Variants in WWOX observed in about 807,000 individuals in gnomAD.
WWOX encodes WW domain-containing oxidoreductase.
Under a neutral mutation model 46.2 loss-of-function variants are expected in WWOX, and 69 were observed. The ratio of observed to expected loss-of-function variants is 1.49; its 90% confidence interval spans 1.23 to 1.82. WWOX has a LOEUF of 1.82. Among genes scored for constraint, WWOX ranks in the 40% most tolerant of loss-of-function variants. WWOX has a pLI of 0.00. For synonymous variants in WWOX, 359 were observed against 202.6 expected (o/e 1.77, Z -6.56); for missense variants, 919 against 542.6 (o/e 1.69, Z -6.89).
intron 8 of WWOX, among the ~76,000 whole-genome samples, chr16:79,132,157 CACACACA>C (rs2049892579): frequency 1.3e-5 from 2 of 151,326 alleles, no homozygotes; most frequent in African/African-American, 2.4e-5. Flanking sequence ...CACACACACA[CACACACA>C]CACCCCTTCC....
chr16:78,739,804 C>T (rs569213346), intron 8 of WWOX, among the ~76,000 whole-genome samples: 1 of 152,180 alleles, frequency 6.6e-6, no homozygotes, highest in Non-Finnish European at 1.5e-5. Context: ...GGGAGAGATT[C>T]CATCTCAAAA....
chr16:78,995,821 G>C (rs1315252208), intron 8 of WWOX, among the ~76,000 whole-genome samples: 2 of 152,286 alleles, frequency 1.3e-5, no homozygotes, highest in Admixed American at 1.3e-4. Flanking sequence ...GTGTAAAGGA[G>C]ACCCGAGGTG....
chr16:79,102,601 G>C (rs901136306), intron 8 of WWOX, among the ~76,000 whole-genome samples: 1 of 152,132 alleles, frequency 6.6e-6, no homozygotes, highest in African/African-American at 2.4e-5. Context: ...GAGTTGCTAA[G>C]AGTTTGAAAA....
intron 5 of WWOX, among the ~76,000 whole-genome samples, chr16:78,361,140 G>C (rs1475441647): frequency 6.6e-6 from 1 of 151,952 alleles, no homozygotes; most frequent in Non-Finnish European, 1.5e-5. Flanking sequence ...TTCAGTCTTT[G>C]ATAGTTGCTT....
chr16:78,543,313 A>T (rs2043944104), intron 8 of WWOX, among the ~76,000 whole-genome samples: 1 of 152,078 alleles, frequency 6.6e-6, no homozygotes, highest in Non-Finnish European at 1.5e-5. Flanking sequence ...GGCCCTGAAG[A>T]GGGTGGGAAT....
At chr16:78,477,792 T>C (rs931695794) in intron 8 of WWOX, among the ~76,000 whole-genome samples, 3 of 152,158 alleles carry the variant, frequency 2.0e-5, no homozygotes, top group African/African-American at 7.2e-5. Context: ...GAATTATGAA[T>C]TCAAGTCAAA....
chr16:79,156,279 A>T, intron 8 of WWOX, among the ~76,000 whole-genome samples: 1 of 152,176 alleles, frequency 6.6e-6, no homozygotes, highest in East Asian at 1.9e-4. Context: ...CTCCCACGTC[A>T]ACCTCCAGAA....
intron 8 of WWOX, among the ~76,000 whole-genome samples, chr16:78,619,180 T>A (rs865871302): frequency 0.017 from 240 of 13,720 alleles, 76 homozygotes; most frequent in Middle Eastern, 0.083. Flanking sequence ...TATATATATA[T>A]ATATATATAT....
In WWOX at chr16:78,872,400, G is replaced by T. The variant is rs141741429; in HGVS notation, c.1057-339208G>T. Among the ~76,000 whole-genome samples the T allele has an allele frequency of 2.6e-3, 399 of 152,272 alleles. 1 individual carries two copies. The highest frequency in any genetic ancestry group is 3.7e-3 in the Non-Finnish European group (251 of 68,030). The stretch of plus-strand genomic sequence containing the variant: ...TACTAACGTCATTATTATGAAAATA[G>T]CCATCTTTTTTTAAAGAAGGGAGTT... On this transcript the variant is annotated intron_variant, in intron 8 of 8. Coordinates refer to ENST00000566780, the MANE Select transcript of WWOX (RefSeq NM_016373.4).
At chr16:79,044,810 C>G (rs2048035816) in intron 8 of WWOX, among the ~76,000 whole-genome samples, 1 of 152,122 alleles carries the variant, frequency 6.6e-6, no homozygotes, top group Non-Finnish European at 1.5e-5. Flanking sequence ...TAAAGTCCAA[C>G]CTCAAGGCCC....
chr16:78,429,984 A>T (rs952161413), intron 7 of WWOX, among the ~76,000 whole-genome samples: 1 of 152,170 alleles, frequency 6.6e-6, no homozygotes, highest in Non-Finnish European at 1.5e-5. Context: ...ACCTTGAGTG[A>T]AGCCTGACTA....
intron 8 of WWOX, among the ~76,000 whole-genome samples, chr16:79,065,842 G>A (rs2150556273): frequency 6.9e-6 from 1 of 145,462 alleles, no homozygotes; most frequent in African/African-American, 2.8e-5. Context: ...AAGCAAGATG[G>A]AGTCAGCTAT....
At chr16:79,059,856 G>A (rs1487945524) in intron 8 of WWOX, among the ~76,000 whole-genome samples, 4 of 152,076 alleles carry the variant, frequency 2.6e-5, no homozygotes, top group South Asian at 2.1e-4. Flanking sequence ...GGACTGGTTC[G>A]CACACACAAA....
chr16:78,712,077 T>C (rs2142326619), intron 8 of WWOX, among the ~76,000 whole-genome samples: 1 of 152,322 alleles, frequency 6.6e-6, no homozygotes, highest in African/African-American at 2.4e-5. Context: ...ATTATAGATG[T>C]CTTATATCCA....
At chr16:78,797,408 C>T (rs1460129865) in intron 8 of WWOX, among the ~76,000 whole-genome samples, 2 of 148,214 alleles carry the variant, frequency 1.3e-5, no homozygotes, top group African/African-American at 2.5e-5. Context: ...AAGGCAGCCC[C>T]GACAGGTACG....
intron 8 of WWOX, among the ~76,000 whole-genome samples, chr16:78,860,190 T>A (rs1000381510): frequency 1.3e-5 from 2 of 152,254 alleles, no homozygotes; most frequent in Non-Finnish European, 2.9e-5. Flanking sequence ...TGAGAAATTT[T>A]ACCAAATATT....
intron 5 of WWOX, among the ~76,000 whole-genome samples, chr16:78,356,983 A>G (rs1242709783): frequency 1.3e-5 from 2 of 152,206 alleles, no homozygotes; most frequent in Non-Finnish European, 2.9e-5. Flanking sequence ...CTACCTTTTT[A>G]TGGCCATGTA....
At chr16:78,486,094 G>T (rs757451284) in intron 8 of WWOX, among the ~76,000 whole-genome samples, 1 of 152,170 alleles carries the variant, frequency 6.6e-6, no homozygotes, top group East Asian at 1.9e-4. Context: ...TCTATGTGAG[G>T]GGGTGTGTGG....
At chr16:78,605,931 A>G (rs1436763541) in intron 8 of WWOX, among the ~76,000 whole-genome samples, 1 of 152,346 alleles carries the variant, frequency 6.6e-6, no homozygotes, top group Non-Finnish European at 1.5e-5. Flanking sequence ...AAGCTGAAAC[A>G]TGCGCATTTG....
Sources: allele counts gnomAD v4.1 joint callset (sites outside exome capture counted in the v4.1 genomes callset), GRCh38; gene constraint gnomAD v4.1.1; transcripts MANE v1.5; gene names NCBI Gene and HGNC (gene_info 2026-07-23, HGNC 2026-07-21).